The following UGGT1 variants were observed in gnomAD, a reference collection of about 807,000 sequenced individuals.
UGGT1 encodes the protein UDP-glucose glycoprotein glucosyltransferase 1.
In UGGT1, 107 loss-of-function variants were observed where a neutral mutation model predicts 203.9. That is an observed-to-expected ratio of 0.52 (90% CI 0.45 to 0.62). The LOEUF (loss-of-function observed/expected upper bound fraction) is 0.62, where lower values mean the gene tolerates loss of function less well. Ranked by LOEUF, UGGT1 falls within the 20% of genes least tolerant of loss-of-function variation. UGGT1 has a pLI of 0.00. For missense variants in UGGT1, 1,673 were observed against 1,867.2 expected (o/e 0.90, Z 1.92); for synonymous variants, 628 against 653.5 (o/e 0.96, Z 0.59).
At chr2:128,173,236 T>C (rs966488014) in intron 29 of UGGT1, among the ~76,000 whole-genome samples, 4 of 152,232 alleles carry the variant, frequency 2.6e-5, no homozygotes, top group Admixed American at 2.6e-4. Flanking sequence ...TGCCAGATAA[T>C]ATTTTATTTA....
At chr2:128,133,078 T>C in intron 13 of UGGT1, 63 bp from the exon 14 acceptor site, 1 of 1,573,364 alleles carries the variant, frequency 6.4e-7, no homozygotes, top group Middle Eastern at 1.7e-4. Flanking sequence ...CTTATTGATA[T>C]TATTGCAGGT....
intron 16 of UGGT1, 109 bp from the exon 17 acceptor site, chr2:128,142,985 A>G: frequency 1.6e-6 from 2 of 1,246,142 alleles, no homozygotes; most frequent in Non-Finnish European, 2.1e-6. Context: ...CTCAAAAAAA[A>G]AAAAAGAAAA....
intron 12 of UGGT1, 51 bp from the exon 13 acceptor site, chr2:128,128,978 T>G (rs1475086528): frequency 6.8e-7 from 1 of 1,476,512 alleles, no homozygotes; most frequent in Non-Finnish European, 9.0e-7. Context: ...TGAGAATTTT[T>G]TTTAAAAGCT....
chr2:128,106,635 C>T (rs1055368498), intron 3 of UGGT1, among the ~76,000 whole-genome samples: 13 of 152,252 alleles, frequency 8.5e-5, no homozygotes, highest in Admixed American at 2.0e-4. Flanking sequence ...GGCGTAATCT[C>T]GCTGCAACCT....
At chr2:128,159,928 T>A (rs1690444077) in intron 23 of UGGT1, among the ~76,000 whole-genome samples, 1 of 152,164 alleles carries the variant, frequency 6.6e-6, no homozygotes, top group Non-Finnish European at 1.5e-5. Context: ...TTTTGTGTGT[T>A]TTAAGTATGG....
chr2:128,120,380 A>G lies in UGGT1; in HGVS notation c.897A>G (p.Gly299=). ...GAGATCTGCACCCCGACCTGGAGGG[A>G]CAGTTGAAAGAACTCAGAAAGCATC... ...KLRDLHPDLE[G]QLKELRKHLV... The change falls in exon 9 of 41, where the codon GGA becomes GGG. Residue 299 remains glycine, a synonymous_variant. Coordinates refer to ENST00000259253, the MANE Select transcript of UGGT1 (RefSeq NM_020120.4). The G allele has an allele frequency of 6.2e-7, 1 of 1,614,002 alleles. No individual in the cohort carries two copies. Among genetic ancestry groups the G allele is most frequent in the Non-Finnish European group, 8.5e-7 (1 of 1,179,978 alleles).
intron 19 of UGGT1, 144 bp downstream of exon 19, chr2:128,153,048 T>A: frequency 8.7e-7 from 1 of 1,144,010 alleles, no homozygotes; most frequent in Non-Finnish European, 1.2e-6. Flanking sequence ...ATGTGTAAAC[T>A]CTTTGCACCT....
intron 1 of UGGT1, among the ~76,000 whole-genome samples, chr2:128,093,390 A>G (rs372350734): frequency 9.9e-5 from 15 of 152,202 alleles, no homozygotes; most frequent in East Asian, 1.9e-4. Context: ...AGAGCCTTCT[A>G]TGTTTCAGGC....
chr2:128,189,908 T>C lies in UGGT1; in HGVS notation c.*166T>C. The C allele has an allele frequency of 1.5e-6, 1 of 667,570 alleles. No individual in the cohort carries two copies. Among genetic ancestry groups the C allele is most frequent in the Non-Finnish European group, 2.5e-6 (1 of 405,134 alleles). 41.4% of individuals were successfully genotyped at this position (667,570 alleles called of 1,614,324 possible). A position where few individuals can be genotyped will look rare whatever the true frequency, so the allele number is the denominator to read the frequency against. ...CTGACTTCTGTACTCTGGTGGCCAC[T>C]GGATCTTTGGGATTAAAGCTCTGTT... is the stretch of plus-strand genomic sequence containing the variant. On this transcript the variant is annotated 3_prime_UTR_variant, in exon 41 of 41. Transcript: ENST00000259253.
At position 128,091,289 on chromosome 2, in the gene UGGT1, G is replaced by C; in HGVS notation, c.-69G>C. The C allele has an allele frequency of 2.1e-6, 3 of 1,456,824 alleles. No homozygotes were observed. Among genetic ancestry groups the C allele is most frequent in the Non-Finnish European group, 2.7e-6 (3 of 1,096,692 alleles). 90.2% of individuals were successfully genotyped at this position (1,456,824 alleles called of 1,614,324 possible). On this transcript the variant is annotated 5_prime_UTR_variant, in exon 1 of 41. Transcript: ENST00000259253. ...TCTCACTGGCGCAGCCTGCACTGCC[G>C]CTGCCGCCTCGCCCCGCCCTGCCCT...
intron 20 of UGGT1, 130 bp downstream of exon 20, chr2:128,155,717 T>C: frequency 3.1e-6 from 2 of 639,852 alleles, no homozygotes; most frequent in South Asian, 2.2e-5. Flanking sequence ...CTTATAAAGC[T>C]TTGAGTCTAG....
In UGGT1 at chr2:128,091,392, C is replaced by T; in HGVS notation, c.35C>T (p.Ala12Val). The T allele has an allele frequency of 6.3e-7, 1 of 1,578,012 alleles. No homozygotes were observed. Among genetic ancestry groups the T allele is most frequent in the Non-Finnish European group, 8.6e-7 (1 of 1,162,048 alleles). ...GCKGDASGAC[A>V]AGALPVTGVC... ...AAGGGAGACGCGAGCGGTGCGTGTGCCGCGGGTGCGCTGCCGGTGACAGGT... is the reference window on the plus strand; with the variant it reads ...AAGGGAGACGCGAGCGGTGCGTGTGTCGCGGGTGCGCTGCCGGTGACAGGT... The change falls in exon 1 of 41, where the codon GCC becomes GTC. Residue 12 changes from alanine (A) to valine (V), a missense_variant. Ala to Val is a moderately conservative substitution (Grantham distance 64). Transcript: ENST00000259253.
Position 128,179,861 on chromosome 2 carries a change from C to T in UGGT1, c.3891C>T (p.Pro1297=), listed in dbSNP as rs1691598629. The change falls in exon 35 of 41, where the codon CCC becomes CCT. Residue 1297 remains proline, a synonymous_variant. Transcript: ENST00000259253. ...KFWFLKNYLS[P]TFKEFIPYMA... is the part of the protein sequence containing the mutation. ...GGTTCTTGAAGAATTACTTGTCCCC[C>T]ACATTTAAGGTTTGTTTCACAGAGA... 1.2e-6 allele frequency: 2 copies of T among 1,613,180 alleles called. No individual in the cohort carries two copies. The highest frequency in any genetic ancestry group is 1.7e-6 in the Non-Finnish European group (2 of 1,179,326).
At position 128,164,731 on chromosome 2, in the gene UGGT1, GC is replaced by G. The variant is rs760585988; in HGVS notation, c.2828del (p.Ala943GlufsTer5). 1 of 1,613,844 alleles carries G rather than the reference GC, an allele frequency of 6.2e-7. No homozygotes were observed. Among genetic ancestry groups the G allele is most frequent in the Non-Finnish European group, 8.5e-7 (1 of 1,179,828 alleles). On this transcript the variant is annotated frameshift_variant and splice_region_variant, in exon 26 of 41. Coordinates refer to ENST00000259253, the MANE Select transcript of UGGT1 (RefSeq NM_020120.4). LOFTEE classifies it high-confidence loss of function. ...IQQLRVEEDV[A>X]SDLVMKVDAL... ...GATTTCTCTAACCCCTTCTTTCAGG[GC>G]AAGCGACTTGGTAATGAAGGTGGAT...
intron 13 of UGGT1, 75 bp downstream of exon 13, chr2:128,129,254 T>C (rs1241668333): frequency 6.6e-7 from 1 of 1,506,850 alleles, no homozygotes; most frequent in Non-Finnish European, 8.9e-7. Context: ...TTGTCTCTTA[T>C]GAGGGTGAAG....
chr2:128,134,891 C>A lies in UGGT1; in HGVS notation c.1513C>A (p.Pro505Thr). 1.2e-6 allele frequency: 2 copies of A among 1,613,764 alleles called. No homozygotes were observed. The highest frequency in any genetic ancestry group is 2.2e-5 in the East Asian group (1 of 44,854). The change falls in exon 15 of 41, where the codon CCT becomes ACT. Residue 505 changes from proline (P) to threonine (T), a missense_variant. Physicochemically the swap from Pro to Thr is conservative, Grantham distance 38. Coordinates refer to ENST00000259253, the MANE Select transcript of UGGT1 (RefSeq NM_020120.4). ...NLHNMVFIVD[P>T]AHETTAELMN... Reference sequence around the variant, plus strand: ...TCTTCAACAGGTTTTCATAGTTGATCCTGCACATGAGACCACAGCAGAGTT... The same window carrying A: ...TCTTCAACAGGTTTTCATAGTTGATACTGCACATGAGACCACAGCAGAGTT...
rs1689509766 is a variant in UGGT1, at chr2:128,142,946, C to T, written c.1720-148C>T. The T allele has an allele frequency of 1.0e-5, 8 of 803,908 alleles. No individual in the cohort carries two copies. In the East Asian group the frequency reaches 2.6e-4, roughly 26 times the overall value. The allele number at this position is 803,908 out of a possible 1,614,324, so 49.8% of individuals were successfully genotyped here. A position where few individuals can be genotyped will look rare whatever the true frequency, so the allele number is the denominator to read the frequency against. Reference sequence around the variant, plus strand: ...AGTGAGCCGAGATTGTGCCATTGCACTCCAACCTGGGTGACAGCAAAACTC... The same window carrying T: ...AGTGAGCCGAGATTGTGCCATTGCATTCCAACCTGGGTGACAGCAAAACTC... On this transcript the variant is annotated intron_variant, in intron 16 of 40. Coordinates refer to ENST00000259253, the MANE Select transcript of UGGT1 (RefSeq NM_020120.4).
intron 25 of UGGT1, among the ~76,000 whole-genome samples, chr2:128,163,311 A>G (rs1476824332): frequency 1.3e-5 from 2 of 151,146 alleles, no homozygotes; most frequent in Admixed American, 6.6e-5. Context: ...GTTCAAATAC[A>G]TTCACAGTGC....
chr2:128,114,202 C>G (rs1359391637), intron 6 of UGGT1, among the ~76,000 whole-genome samples: 1 of 152,142 alleles, frequency 6.6e-6, no homozygotes, highest in East Asian at 1.9e-4. Flanking sequence ...ACTGCAACCT[C>G]CGCCTCCTGA....
Sources: gnomAD v4.1 joint callset for allele counts (sites outside exome capture counted in the v4.1 genomes callset) on GRCh38, gnomAD v4.1.1 for gene constraint, MANE v1.5 for transcripts, NCBI Gene and HGNC (gene_info 2026-07-23, HGNC 2026-07-21) for gene names.